Variants in EXOC6B observed in about 807,000 individuals in gnomAD.
EXOC6B encodes the protein exocyst complex component 6B.
A neutral mutation model predicts 113.5 loss-of-function variants in EXOC6B; 54 were observed. The observed-to-expected ratio is 0.48, with a 90% CI of 0.38 to 0.60. The LOEUF (loss-of-function observed/expected upper bound fraction) is 0.60, where lower values mean the gene tolerates loss of function less well. Among genes scored for constraint, EXOC6B ranks in the 20% least tolerant of loss-of-function variants. The pLI is 0.00. For missense variants in EXOC6B, 797 were observed against 977.5 expected, an observed-to-expected ratio of 0.82 and a Z score of 2.46; for synonymous variants, 357 against 339.0, an observed-to-expected ratio of 1.05 and a Z score of -0.58.
chr2:72,321,462 G>A (rs1182485742), intron 20 of EXOC6B, among the ~76,000 whole-genome samples: 1 of 150,896 alleles, frequency 6.6e-6, no homozygotes, highest in Non-Finnish European at 1.5e-5. Context: ...TTGAACCCAG[G>A]AGGTGGAGGG....
intron 11 of EXOC6B, among the ~76,000 whole-genome samples, chr2:72,507,560 C>A (rs909148614): frequency 6.6e-6 from 1 of 151,906 alleles, no homozygotes; most frequent in Non-Finnish European, 1.5e-5. Flanking sequence ...TGCACATGTA[C>A]CCCAGAACTA....
chr2:72,547,582 A>G (rs984255092), intron 8 of EXOC6B, among the ~76,000 whole-genome samples: 10 of 152,188 alleles, frequency 6.6e-5, no homozygotes, highest in Admixed American at 6.5e-4. Context: ...CACCTAAGCT[A>G]CTTGTTATGG....
chr2:72,605,430 C>T (rs191411084), intron 6 of EXOC6B, among the ~76,000 whole-genome samples: 1 of 152,226 alleles, frequency 6.6e-6, no homozygotes, highest in Non-Finnish European at 1.5e-5. Flanking sequence ...ATAATCTCTT[C>T]CCAGTCTCAT....
chr2:72,340,431 A>T (rs1213720458), intron 19 of EXOC6B, among the ~76,000 whole-genome samples: 1 of 152,196 alleles, frequency 6.6e-6, no homozygotes, highest in Admixed American at 6.6e-5. Context: ...ATGTCTGGCA[A>T]GTATGTAAAA....
intron 18 of EXOC6B, among the ~76,000 whole-genome samples, chr2:72,405,937 T>G (rs941256377): frequency 3.3e-5 from 5 of 152,144 alleles, no homozygotes; most frequent in Non-Finnish European, 7.3e-5. Context: ...GACCCATCAG[T>G]GTGCTGCATT....
intron 17 of EXOC6B, among the ~76,000 whole-genome samples, chr2:72,475,427 T>C (rs375756372): frequency 1.2e-4 from 19 of 152,238 alleles, no homozygotes; most frequent in African/African-American, 4.3e-4. Flanking sequence ...AGGTGGTGTA[T>C]GCAGGTAGGT....
At chr2:72,312,776 A>G (rs1687274880) in intron 20 of EXOC6B, among the ~76,000 whole-genome samples, 1 of 148,058 alleles carries the variant, frequency 6.8e-6, no homozygotes, top group Non-Finnish European at 1.5e-5. Context: ...AACAACAACA[A>G]CAACAACAAA....
intron 11 of EXOC6B, among the ~76,000 whole-genome samples, chr2:72,511,347 A>T (rs566755957): frequency 6.6e-6 from 1 of 152,198 alleles, no homozygotes; most frequent in Admixed American, 6.6e-5. Context: ...ATCATCCAAG[A>T]AAGGAAACCA....
chr2:72,820,185 C>T (rs1261752945), intron 1 of EXOC6B, among the ~76,000 whole-genome samples: 2 of 152,068 alleles, frequency 1.3e-5, no homozygotes, highest in South Asian at 2.1e-4. Flanking sequence ...AAAGAGCTAG[C>T]TTTATAAACA....
At chr2:72,650,614 A>G (rs917893823) in intron 6 of EXOC6B, among the ~76,000 whole-genome samples, 2 of 2,692 alleles carry the variant, frequency 7.4e-4, no homozygotes, top group Non-Finnish European at 1.2e-3. Context: ...AAAGAAAAGA[A>G]AAAAAAAAGA....
In EXOC6B at chr2:72,731,210, T is replaced by G; in HGVS notation, c.363A>C (p.Arg121=). ...TGGCAGAAATATTTCTCTGTTGTAG[T>G]CGACACTGCTTCAGCTCTTCCATTG... ...VIAMEELKQC[R]LQQRNISATV... Residue 121 remains arginine (R), a synonymous_variant, in exon 4 of 22, where the codon CGA becomes CGC. Coordinates refer to ENST00000272427, the MANE Select transcript of EXOC6B (RefSeq NM_015189.3). The G allele has an allele frequency of 6.2e-7, 1 of 1,613,444 alleles. No individual in the cohort carries two copies. The highest frequency in any genetic ancestry group is 1.1e-5 in the South Asian group (1 of 90,946).
intron 8 of EXOC6B, among the ~76,000 whole-genome samples, chr2:72,555,718 C>T (rs1272024219): frequency 6.6e-6 from 1 of 152,170 alleles, no homozygotes; most frequent in Non-Finnish European, 1.5e-5. Context: ...ATGATCTCGG[C>T]TCACTACAAC....
At chr2:72,371,047 T>C (rs1312548312) in intron 19 of EXOC6B, among the ~76,000 whole-genome samples, 1 of 150,130 alleles carries the variant, frequency 6.7e-6, no homozygotes, top group African/African-American at 2.4e-5. Flanking sequence ...AAACTCCTCC[T>C]CCAAAAAAAA....
intron 6 of EXOC6B, among the ~76,000 whole-genome samples, chr2:72,686,231 T>C (rs1281556054): frequency 6.6e-6 from 1 of 152,204 alleles, no homozygotes; most frequent in Non-Finnish European, 1.5e-5. Context: ...TGAAGTTTGG[T>C]AAAGTGGATT....
intron 20 of EXOC6B, among the ~76,000 whole-genome samples, chr2:72,303,165 T>C (rs1254258367): frequency 1.3e-5 from 2 of 152,176 alleles, no homozygotes; most frequent in Admixed American, 1.3e-4. Context: ...TTCTGGCTTA[T>C]AGGGTTTCTG....
At chr2:72,569,769 A>C (rs1177161459) in intron 7 of EXOC6B, among the ~76,000 whole-genome samples, 1 of 152,182 alleles carries the variant, frequency 6.6e-6, no homozygotes, top group African/African-American at 2.4e-5. Context: ...CTTACTGTCA[A>C]TAGAAAGTTT....
chr2:72,388,110 G>A (rs1277364114), intron 18 of EXOC6B, among the ~76,000 whole-genome samples: 5 of 152,124 alleles, frequency 3.3e-5, no homozygotes, highest in African/African-American at 1.2e-4. Flanking sequence ...GTAGAGGCCA[G>A]GGATACTGAT....
intron 19 of EXOC6B, among the ~76,000 whole-genome samples, chr2:72,350,615 G>A (rs1314076935): frequency 6.6e-6 from 1 of 152,182 alleles, no homozygotes; most frequent in Non-Finnish European, 1.5e-5. Flanking sequence ...AAGGAGAAGA[G>A]AATCTCTGCC....
intron 18 of EXOC6B, among the ~76,000 whole-genome samples, chr2:72,448,589 TG>T (rs1696725706): frequency 1.3e-5 from 2 of 152,088 alleles, no homozygotes; most frequent in Non-Finnish European, 2.9e-5. Context: ...ATGAACTAAA[TG>T]TTAAGCCAGG....
Sources: gnomAD v4.1 joint callset for allele counts (sites outside exome capture counted in the v4.1 genomes callset) on GRCh38, gnomAD v4.1.1 for gene constraint, MANE v1.5 for transcripts, NCBI Gene and HGNC (gene_info 2026-07-23, HGNC 2026-07-21) for gene names.